The following DYNC2H1 variants were observed in gnomAD, a reference collection of about 807,000 sequenced individuals.
The protein encoded by DYNC2H1 is cytoplasmic dynein 2 heavy chain 1.
DYNC2H1 carries 410 observed loss-of-function variants against 570.0 expected under a neutral mutation model. The observed-to-expected ratio is 0.72, with a 90% CI of 0.66 to 0.78. The LOEUF is 0.78. Ranked by LOEUF, DYNC2H1 falls within the 30% of genes least tolerant of loss-of-function variation. The pLI is 0.00. For synonymous variants in DYNC2H1, 1,688 were observed against 1,677.6 expected (o/e 1.01, Z -0.15); for missense variants, 4,865 against 5,046.4 (o/e 0.96, Z 1.09).
At position 103,367,711 on chromosome 11, in the gene DYNC2H1, T is replaced by C. The variant is rs74338878; in HGVS notation, c.12156+9352T>C. ...GCAATAGAACACCAAAACTTATTCC[T>C]TATATCTAATTATAACTTTGTACTT... On this transcript the variant is annotated intron_variant, in intron 83 of 88. Coordinates refer to ENST00000375735, the MANE Select transcript of DYNC2H1 (RefSeq NM_001377.3). Among the ~76,000 whole-genome samples, 1,251 of 152,230 alleles carry C rather than the reference T, an allele frequency of 8.2e-3. 15 individuals carry two copies. Among genetic ancestry groups the C allele is most frequent in the African/African-American group, 0.029 (1,218 of 41,552 alleles).
In DYNC2H1 at chr11:103,280,423, A is replaced by G; in HGVS notation, c.10761+10A>G. ...ACTTTTTCAAGAAAATGTAAGTCAA[A>G]TTAAAGGAGAGAAATTTTACAGTAA... On this transcript the variant is annotated intron_variant, in intron 71 of 88. Transcript: ENST00000375735. The surrounding 1 kb of genome is among the most constrained non-coding windows in gnomAD (Gnocchi z 4.7). 3.2e-6 allele frequency: 5 copies of G among 1,551,272 alleles called. No individual in the cohort carries two copies. The highest frequency in any genetic ancestry group is 4.4e-6 in the Non-Finnish European group (5 of 1,146,444).
intron 83 of DYNC2H1, among the ~76,000 whole-genome samples, chr11:103,362,591 A>G (rs1940709575): frequency 6.6e-6 from 1 of 152,082 alleles, no homozygotes; most frequent in Non-Finnish European, 1.5e-5. Flanking sequence ...TCTCAATGTC[A>G]CATTTCAAAC....
rs773419084 is a variant in DYNC2H1, at chr11:103,209,322, TCTTTA to T, written c.8455-548_8455-544del. ...CTAAAGTAGCATTCTTATAAGGTTA[TCTTTA>T]CTTTAATAATAATGATATCTGCTTA... On this transcript the variant is annotated intron_variant, in intron 52 of 88. Coordinates refer to ENST00000375735, the MANE Select transcript of DYNC2H1 (RefSeq NM_001377.3). The surrounding 1 kb of genome is among the most constrained non-coding windows in gnomAD (Gnocchi z 4.2). Among the ~76,000 whole-genome samples the T allele has an allele frequency of 5.9e-5, 9 of 152,032 alleles. No individual in the cohort carries two copies. The highest frequency in any genetic ancestry group is 1.5e-5 in the Non-Finnish European group (1 of 67,960).
chr11:103,476,062 C>T (rs1317177487), intron 88 of DYNC2H1, among the ~76,000 whole-genome samples: 1 of 152,140 alleles, frequency 6.6e-6, no homozygotes, highest in Non-Finnish European at 1.5e-5. Flanking sequence ...TGATCTTTGT[C>T]TGCTCTTTGC....
At chr11:103,116,523 A>G in intron 4 of DYNC2H1, 47 bp from the exon 5 acceptor site, 1 of 1,448,468 alleles carries the variant, frequency 6.9e-7, no homozygotes, top group Non-Finnish European at 9.3e-7. Context: ...TATATTACCC[A>G]AGGTACAAAT....
Position 103,163,139 on chromosome 11 carries a change from C to T in DYNC2H1, c.4603C>T (p.Pro1535Ser), listed in dbSNP as rs866831677. ...SQGAVDPSLF[P>S]SQILCLAEQI... Reference sequence around the variant, plus strand: ...AGGTGCAGTTGACCCATCTCTGTTCCCTTCACAGGTAAGGGGGCTTACGTG... The same window carrying T: ...AGGTGCAGTTGACCCATCTCTGTTCTCTTCACAGGTAAGGGGGCTTACGTG... Residue 1535 changes from proline to serine, a missense_variant, in exon 30 of 89, where the codon CCT (proline) becomes TCT (serine). Pro to Ser is a moderately conservative substitution (Grantham distance 74). Around this residue, in one of 5 missense-constraint regions of DYNC2H1, gnomAD observed 1,936 missense variants for 1,962.1 expected, o/e 0.99. Transcript: ENST00000375735. This position sits in a 1 kb window ranked among gnomAD's most constrained non-coding sequence, Gnocchi z 4.6. 3 of 1,610,322 alleles carry T rather than the reference C, an allele frequency of 1.9e-6. No homozygotes were observed. Among genetic ancestry groups the T allele is most frequent in the East Asian group, 2.2e-5 (1 of 44,814 alleles).
chr11:103,316,361 G>A (rs186837191), intron 79 of DYNC2H1, among the ~76,000 whole-genome samples, 184 bp from the exon 80 acceptor site: 87 of 151,884 alleles, frequency 5.7e-4, no homozygotes, highest in African/African-American at 2.0e-3. Flanking sequence ...TCATGCTATG[G>A]CCAGTTAATT....
chr11:103,267,331 A>G (rs561698269), intron 70 of DYNC2H1, among the ~76,000 whole-genome samples: 1 of 149,802 alleles, frequency 6.7e-6, no homozygotes, highest in East Asian at 2.0e-4. Context: ...TTGGCCCTTC[A>G]GTGGGAGCTG....
At chr11:103,374,603 G>T (rs981078010) in intron 83 of DYNC2H1, among the ~76,000 whole-genome samples, 1 of 152,074 alleles carries the variant, frequency 6.6e-6, no homozygotes, top group South Asian at 2.1e-4. Flanking sequence ...TAGTGATATG[G>T]GCAATGAAGT....
chr11:103,401,975 A>G (rs189404772), intron 84 of DYNC2H1: 35 of 152,270 alleles, frequency 2.3e-4, no homozygotes, highest in African/African-American at 7.7e-4. Context: ...GTAAGAGGTA[A>G]TTGGTAACCC....
At position 103,145,914 on chromosome 11, in the gene DYNC2H1, A is replaced by T. The variant is rs1860218966; in HGVS notation, c.2703-1858A>T. On this transcript the variant is annotated intron_variant, in intron 18 of 88. Transcript: ENST00000375735. The surrounding 1 kb of genome is among the most constrained non-coding windows in gnomAD (Gnocchi z 4.2). ...CACAGCACTCCGTAGTTAGTGAGTA[A>T]AACTTCTTTGCTGTAATTAGATCAC... is the stretch of plus-strand genomic sequence containing the variant. 6.6e-6 allele frequency among the ~76,000 whole-genome samples: 1 copy of T among 152,234 alleles called. No individual in the cohort carries two copies. Among genetic ancestry groups the T allele is most frequent in the Admixed American group, 6.5e-5 (1 of 15,286 alleles).
At chr11:103,263,022 C>CA (rs35912109) in intron 70 of DYNC2H1, among the ~76,000 whole-genome samples, 4,768 of 39,866 alleles carry the variant, frequency 0.12, 285 homozygotes, top group Non-Finnish European at 0.12. Context: ...AAATGGAAAG[C>CA]AAAAAAAAAA....
At chr11:103,267,682 A>G (rs1037509914) in intron 70 of DYNC2H1, among the ~76,000 whole-genome samples, 1 of 152,254 alleles carries the variant, frequency 6.6e-6, no homozygotes, top group South Asian at 2.1e-4. Flanking sequence ...TAATGGAACT[A>G]TATAGAAAGG....
intron 13 of DYNC2H1, among the ~76,000 whole-genome samples, chr11:103,131,530 C>T (rs996836588): frequency 2.0e-5 from 3 of 151,792 alleles, no homozygotes; most frequent in Admixed American, 2.0e-4. Flanking sequence ...CTTTTTTTTC[C>T]CTGAAGTTCT....
At chr11:103,125,048 GT>G (rs1367355951) in intron 11 of DYNC2H1, 51 bp from the exon 12 acceptor site, 1 of 1,427,528 alleles carries the variant, frequency 7.0e-7, no homozygotes, top group Admixed American at 2.0e-5. Context: ...GTGTTTATTA[GT>G]CAAAACAGTG....
chr11:103,140,116 G>A (rs565772439), intron 17 of DYNC2H1, among the ~76,000 whole-genome samples: 54 of 152,226 alleles, frequency 3.5e-4, no homozygotes, highest in South Asian at 2.1e-3. Flanking sequence ...GTCTCTGCAC[G>A]TGAGATGGGT....
In DYNC2H1 at chr11:103,163,216, G is replaced by A; in HGVS notation, c.4611+69G>A. 1 of 1,512,586 alleles carries A rather than the reference G, an allele frequency of 6.6e-7. No homozygotes were observed. The highest frequency in any genetic ancestry group is 8.9e-7 in the Non-Finnish European group (1 of 1,126,150). 93.7% of individuals were successfully genotyped at this position (1,512,586 alleles called of 1,614,324 possible). On this transcript the variant is annotated intron_variant, in intron 30 of 88. Coordinates refer to ENST00000375735, the MANE Select transcript of DYNC2H1 (RefSeq NM_001377.3). This position sits in a 1 kb window ranked among gnomAD's most constrained non-coding sequence, Gnocchi z 4.6. The stretch of plus-strand genomic sequence containing the variant: ...GAAAGATCCCTGACCTAGAAGCCAG[G>A]AGGCTCAGATAAATCGCATCTGTTT...
intron 86 of DYNC2H1, among the ~76,000 whole-genome samples, 158 bp downstream of exon 86, chr11:103,455,453 A>C (rs1265708411): frequency 1.3e-5 from 2 of 152,172 alleles, no homozygotes; most frequent in Non-Finnish European, 2.9e-5. Flanking sequence ...CATACAGTTA[A>C]CCTTTAGCTT....
chr11:103,197,904 TA>T, intron 47 of DYNC2H1, 28 bp from the exon 48 acceptor site: 1 of 1,555,512 alleles, frequency 6.4e-7, no homozygotes, highest in South Asian at 1.2e-5. Context: ...GTAATGCATA[TA>T]AAACAAAAAT....
Sources: gnomAD v4.1 joint callset for allele counts (sites outside exome capture counted in the v4.1 genomes callset) on GRCh38, gnomAD v4.1.1 for gene constraint, gnomAD v4.1.1 regional missense constraint, Gnocchi (gnomAD v3.1) non-coding constraint, MANE v1.5 for transcripts, NCBI Gene and HGNC (gene_info 2026-07-23, HGNC 2026-07-21) for gene names.